The following LCA5L variants were observed in gnomAD, a reference collection of about 807,000 sequenced individuals.
The protein encoded by LCA5L is lebercilin-like protein.
Under a neutral mutation model 45.4 loss-of-function variants are expected in LCA5L, and 35 were observed. The ratio of observed to expected loss-of-function variants is 0.77; its 90% CI spans 0.59 to 1.02. The LOEUF (loss-of-function observed/expected upper bound fraction) is 1.02. LCA5L is among the 50% of genes least tolerant of loss of function. The pLI is 0.00. For synonymous variants in LCA5L, 233 were observed against 264.7 expected (o/e 0.88, Z 1.16); for missense variants, 668 against 761.6 (o/e 0.88, Z 1.45).
chr21:39,409,886 G>A lies in LCA5L; in HGVS notation c.1282+93C>T. 1.4e-6 allele frequency: 1 copy of A among 719,630 alleles called. No homozygotes were observed. Among genetic ancestry groups the A allele is most frequent in the Middle Eastern group, 4.0e-4 (1 of 2,510 alleles). The allele number at this position is 719,630 out of a possible 1,614,324, so 44.6% of individuals were successfully genotyped here. A position where few individuals can be genotyped will look rare whatever the true frequency, so the allele number is the denominator to read the frequency against. ...TGGGATTACAGGTGCGAGCTGCCAT[G>A]CCCAGCTGTTTTATGTGTGCTTTAT... is the stretch of plus-strand genomic sequence containing the variant. On this transcript the variant is annotated intron_variant, in intron 10 of 10. Coordinates refer to ENST00000288350, the MANE Select transcript of LCA5L (RefSeq NM_152505.4). The surrounding 1 kb of genome is among the most constrained non-coding windows in gnomAD (Gnocchi z 4.2).
At chr21:39,434,334 T>C (rs557267638) in intron 3 of LCA5L, among the ~76,000 whole-genome samples, 4 of 152,322 alleles carry the variant, frequency 2.6e-5, no homozygotes, top group Non-Finnish European at 5.9e-5. Flanking sequence ...CTGTTAAAAA[T>C]TGACTGATGA....
Position 39,406,270 on chromosome 21 carries a change from C to G in LCA5L, c.1625G>C (p.Gly542Ala). The stretch of plus-strand genomic sequence containing the variant: ...CCTCATGTTGCCGGCATTGGCTGGC[C>G]CCCCTGAAGCAGGAAGCCCATGATG... Reference protein sequence around the residue: ...NLHHGLPASGGPANAGNMRYS... With the variant: ...NLHHGLPASGAPANAGNMRYS... The change falls in exon 11 of 11, where the codon GGG becomes GCG. Residue 542 changes from glycine (G) to alanine (A), a missense_variant. Transcript: ENST00000288350. The G allele has an allele frequency of 1.9e-6, 3 of 1,614,172 alleles. No individual in the cohort carries two copies. The highest frequency in any genetic ancestry group is 2.5e-6 in the Non-Finnish European group (3 of 1,180,030).
chr21:39,413,454 C>T (rs1182834470), intron 7 of LCA5L, among the ~76,000 whole-genome samples: 1 of 152,136 alleles, frequency 6.6e-6, no homozygotes, highest in Non-Finnish European at 1.5e-5. Flanking sequence ...GGAAGTATGG[C>T]TTAGTTACAG....
At chr21:39,422,444 C>T (rs1468990983) in intron 6 of LCA5L, 1 of 153,716 alleles carries the variant, frequency 6.5e-6, no homozygotes, top group African/African-American at 2.4e-5. Flanking sequence ...TTTTCCTTCC[C>T]TACTACCCAG....
chr21:39,419,159 C>G (rs1039224588), intron 7 of LCA5L, among the ~76,000 whole-genome samples: 5 of 152,128 alleles, frequency 3.3e-5, no homozygotes, highest in Admixed American at 6.5e-5. Flanking sequence ...CCTCACCCCC[C>G]ACTATTCTTC....
chr21:39,421,165 C>T (rs1035991587), intron 6 of LCA5L, among the ~76,000 whole-genome samples: 5 of 148,156 alleles, frequency 3.4e-5, no homozygotes, highest in Non-Finnish European at 5.9e-5. Flanking sequence ...TGCAGTGGTG[C>T]GATCTCGGCT....
At chr21:39,442,372 T>A (rs531126825) in intron 2 of LCA5L, among the ~76,000 whole-genome samples, 2 of 152,138 alleles carry the variant, frequency 1.3e-5, no homozygotes, top group African/African-American at 4.8e-5. Context: ...ATGATGTGGA[T>A]CATTAATCCA....
rs2077170478 is a variant in LCA5L at position 39,444,139 on chromosome 21, C to G, written c.-250G>C. 2 of 152,020 alleles carry G rather than the reference C, an allele frequency of 1.3e-5. No individual in the cohort carries two copies. The highest frequency in any genetic ancestry group is 4.8e-5 in the African/African-American group (2 of 41,386). 9.4% of individuals were successfully genotyped at this position (152,020 alleles called of 1,614,324 possible). On this transcript the variant is annotated 5_prime_UTR_variant, in exon 2 of 11. Coordinates refer to ENST00000288350, the MANE Select transcript of LCA5L (RefSeq NM_152505.4). Reference sequence around the variant, plus strand: ...TATCAGCACCCAGGTACTTACTATTCAAAATGATCAGCATACGGATGATCA... The same window carrying G: ...TATCAGCACCCAGGTACTTACTATTGAAAATGATCAGCATACGGATGATCA...
intron 7 of LCA5L, among the ~76,000 whole-genome samples, chr21:39,417,291 T>C (rs1028924105): frequency 4.6e-5 from 7 of 152,092 alleles, no homozygotes; most frequent in Non-Finnish European, 8.8e-5. Context: ...CCGCCCACCT[T>C]GGCCTCCCAA....
intron 2 of LCA5L, chr21:39,439,040 G>T (rs947371972): frequency 2.0e-5 from 3 of 152,184 alleles, no homozygotes; most frequent in Admixed American, 2.0e-4. Flanking sequence ...TCAGTTTCAG[G>T]TCTTGAGGTG....
intron 10 of LCA5L, among the ~76,000 whole-genome samples, chr21:39,408,095 A>G (rs963674879): frequency 2.0e-5 from 3 of 152,212 alleles, no homozygotes; most frequent in African/African-American, 7.2e-5. Context: ...TCATGCATGT[A>G]CTTTCCTCAG....
At chr21:39,418,002 G>A (rs113525971) in intron 7 of LCA5L, among the ~76,000 whole-genome samples, 4,455 of 152,192 alleles carry the variant, frequency 0.029, 88 homozygotes, top group Non-Finnish European at 0.044. Context: ...TCCTGACCTC[G>A]TGATCCACCC....
chr21:39,440,319 C>G (rs1263563213), intron 2 of LCA5L, among the ~76,000 whole-genome samples: 4 of 152,088 alleles, frequency 2.6e-5, no homozygotes, highest in Non-Finnish European at 5.9e-5. Context: ...TCCCACTAGT[C>G]AAAGATAGGG....
At chr21:39,416,597 A>G (rs1317754114) in intron 7 of LCA5L, among the ~76,000 whole-genome samples, 1 of 152,078 alleles carries the variant, frequency 6.6e-6, no homozygotes, top group African/African-American at 2.4e-5. Context: ...AGAATATTGC[A>G]TACTTTCACT....
chr21:39,415,935 G>T, intron 7 of LCA5L, among the ~76,000 whole-genome samples: 1 of 152,214 alleles, frequency 6.6e-6, no homozygotes, highest in East Asian at 1.9e-4. Context: ...GGTTCGGTTC[G>T]TTGGCATGAG....
At chr21:39,416,404 C>T (rs1254433172) in intron 7 of LCA5L, among the ~76,000 whole-genome samples, 1 of 152,232 alleles carries the variant, frequency 6.6e-6, no homozygotes, top group African/African-American at 2.4e-5. Context: ...CCTTTTGATA[C>T]TACCCTAATG....
chr21:39,440,674 A>G (rs1438196266), intron 2 of LCA5L, among the ~76,000 whole-genome samples: 1 of 152,226 alleles, frequency 6.6e-6, no homozygotes, highest in Non-Finnish European at 1.5e-5. Flanking sequence ...GGTTCATGTC[A>G]CCAGGGTGGG....
In LCA5L at chr21:39,439,452, AC is replaced by A. The variant is rs1399965283; in HGVS notation, c.-245-3880del. Among the ~76,000 whole-genome samples, 4 of 152,236 alleles carry A rather than the reference AC, an allele frequency of 2.6e-5. No individual in the cohort carries two copies. The East Asian group carries it at 5.8e-4, about 22-fold the overall frequency. On this transcript the variant is annotated intron_variant, in intron 2 of 10. Transcript: ENST00000288350. ...AGAACTAATACAGGTACCTTGAAAAACATCACAAATTAAAATGAGACTAAAA... is the reference window on the plus strand; with the variant it reads ...AGAACTAATACAGGTACCTTGAAAAAATCACAAATTAAAATGAGACTAAAA...
Position 39,428,500 on chromosome 21 carries a change from CAACCTAATAAAAGAAAAGTAA to C in LCA5L, c.-10-18_-8del. ...TTAGATCAGCCAAAGACATAGCAAA[CAACCTAATAAAAGAAAAGTAA>C]AACCTAATAAAAGTATTTTTGAATT... On this transcript the variant is annotated splice_acceptor_variant and splice_polypyrimidine_tract_variant and 5_prime_UTR_variant and intron_variant, in exon 5 of 11. Coordinates refer to ENST00000288350, the MANE Select transcript of LCA5L (RefSeq NM_152505.4). LOFTEE classifies it low-confidence loss of function (5UTR_SPLICE). 4.7e-6 allele frequency: 7 copies of C among 1,496,694 alleles called. No homozygotes were observed. Among genetic ancestry groups the C allele is most frequent in the Non-Finnish European group, 6.2e-6 (7 of 1,124,982 alleles). The allele number at this position is 1,496,694 out of a possible 1,614,324, so 92.7% of individuals were successfully genotyped here.
Sources: gnomAD v4.1 joint callset for allele counts (sites outside exome capture counted in the v4.1 genomes callset) on GRCh38, gnomAD v4.1.1 for gene constraint, Gnocchi (gnomAD v3.1) non-coding constraint, MANE v1.5 for transcripts, NCBI Gene and HGNC (gene_info 2026-07-23, HGNC 2026-07-21) for gene names.